The following EIF4G3 variants were observed in gnomAD, a reference collection of about 807,000 sequenced individuals.
EIF4G3 encodes eukaryotic translation initiation factor 4 gamma 3.
A neutral mutation model predicts 186.4 loss-of-function variants in EIF4G3; 34 were observed. The ratio of observed to expected loss-of-function variants is 0.18; its 90% confidence interval spans 0.14 to 0.24. EIF4G3 has a LOEUF of 0.24. Among genes scored for constraint, EIF4G3 ranks in the 10% least tolerant of loss-of-function variants. The pLI, the probability that EIF4G3 is intolerant of heterozygous loss-of-function variation, is 1.00. For synonymous variants in EIF4G3, 673 were observed against 679.5 expected (o/e 0.99, Z 0.15); for missense variants, 1,536 against 1,948.5 (o/e 0.79, Z 3.99).
intron 29 of EIF4G3, among the ~76,000 whole-genome samples, chr1:20,841,679 T>TTAA (rs1457059005): frequency 6.6e-6 from 1 of 152,214 alleles, no homozygotes; most frequent in African/African-American, 2.4e-5. Flanking sequence ...TAACTGGTGT[T>TTAA]TACTATAGAG....
At chr1:20,952,944 C>T (rs1189531424) in intron 12 of EIF4G3, among the ~76,000 whole-genome samples, 1 of 152,138 alleles carries the variant, frequency 6.6e-6, no homozygotes, top group African/African-American at 2.4e-5. Flanking sequence ...AACTATTTTA[C>T]TAATCAATAA....
At chr1:21,148,665 G>A (rs1355957082) in intron 2 of EIF4G3, among the ~76,000 whole-genome samples, 1 of 146,164 alleles carries the variant, frequency 6.8e-6, no homozygotes, top group Non-Finnish European at 1.5e-5. Context: ...TCGCGCCACT[G>A]CACTCCAGCC....
chr1:20,851,950 G>A (rs1377499878), intron 27 of EIF4G3, among the ~76,000 whole-genome samples: 1 of 152,192 alleles, frequency 6.6e-6, no homozygotes, highest in Non-Finnish European at 1.5e-5. Context: ...ACTGCGAGGA[G>A]GAAGTAGCAG....
In EIF4G3 at chr1:20,820,862, G is replaced by A. The variant is rs1383098129; in HGVS notation, c.4369-3324C>T. Among the ~76,000 whole-genome samples the A allele has an allele frequency of 5.3e-5, 8 of 151,984 alleles. No individual in the cohort carries two copies. In the East Asian group the frequency reaches 1.6e-3, roughly 30 times the overall value. ...GAGAGCTTCAGAGACCTGCAGAAATGTCCAAACGACCTGCCTGTGGAGAGG... is the reference window on the plus strand; with the variant it reads ...GAGAGCTTCAGAGACCTGCAGAAATATCCAAACGACCTGCCTGTGGAGAGG... On this transcript the variant is annotated intron_variant, in intron 33 of 36. Coordinates refer to ENST00000602326, the MANE Select transcript of EIF4G3 (RefSeq NM_001391906.1).
At chr1:21,033,813 C>A (rs889961894) in intron 4 of EIF4G3, among the ~76,000 whole-genome samples, 1 of 152,088 alleles carries the variant, frequency 6.6e-6, no homozygotes, top group South Asian at 2.1e-4. Context: ...AAAGGCCACG[C>A]GTGATAGCTT....
chr1:20,819,172 C>T (rs2061709568), intron 33 of EIF4G3, among the ~76,000 whole-genome samples: 1 of 152,132 alleles, frequency 6.6e-6, no homozygotes. Flanking sequence ...AAAAGCACAA[C>T]ATGAAGGCCA....
chr1:20,948,528 A>G (rs1225707808), intron 13 of EIF4G3, among the ~76,000 whole-genome samples: 1 of 152,080 alleles, frequency 6.6e-6, no homozygotes, highest in East Asian at 1.9e-4. Flanking sequence ...ACTCAGGGGG[A>G]AAATGAAATT....
chr1:21,025,393 C>T (rs995645903), intron 4 of EIF4G3, among the ~76,000 whole-genome samples: 2 of 151,948 alleles, frequency 1.3e-5, no homozygotes, highest in African/African-American at 2.4e-5. Flanking sequence ...GGATCTATTC[C>T]GACAGCCCAG....
At chr1:20,984,718 T>C (rs969055502) in intron 7 of EIF4G3, among the ~76,000 whole-genome samples, 1 of 151,772 alleles carries the variant, frequency 6.6e-6, no homozygotes, top group Non-Finnish European at 1.5e-5. Flanking sequence ...GCCTCCTGAG[T>C]AGCTGGGACT....
In EIF4G3 at chr1:20,817,524, T is replaced by C. The variant is rs770505543; in HGVS notation, c.4383A>G (p.Ile1461Met). The C allele has an allele frequency of 5.0e-6, 8 of 1,595,086 alleles. No individual in the cohort carries two copies. Among genetic ancestry groups the C allele is most frequent in the Non-Finnish European group, 6.8e-6 (8 of 1,170,078 alleles). ...NFLLEQKLDF[I>M]ESDSPCSSEA... is the part of the protein sequence containing the mutation. ...CAGAGGAACAGGGACTGTCAGACTC[T>C]ATGAAGTCCAACTTCTGAAACATAA... Residue 1461 changes from isoleucine (I) to methionine (M), a missense_variant, in exon 34 of 37, where the codon ATA (isoleucine) becomes ATG (methionine). This residue lies in a region of EIF4G3 where 395 missense variants were observed against 498.9 expected (regional missense o/e 0.79). Coordinates refer to ENST00000602326, the MANE Select transcript of EIF4G3 (RefSeq NM_001391906.1).
intron 8 of EIF4G3, among the ~76,000 whole-genome samples, chr1:20,981,553 T>C (rs887295171): frequency 4.0e-5 from 2 of 50,172 alleles, no homozygotes; most frequent in Non-Finnish European, 8.6e-5. Flanking sequence ...ACTGTATGTA[T>C]ACATACATAC....
intron 3 of EIF4G3, among the ~76,000 whole-genome samples, chr1:21,053,802 AGGAGCCCCTCT>A (rs1472822491): frequency 7.1e-6 from 1 of 140,452 alleles, no homozygotes; most frequent in African/African-American, 2.7e-5. Context: ...CTGGGAAGAG[AGGAGCCCCTCT>A]GCCCGGCCAG....
At chr1:20,889,640 G>A (rs991058350) in intron 18 of EIF4G3, among the ~76,000 whole-genome samples, 2 of 151,898 alleles carry the variant, frequency 1.3e-5, no homozygotes, top group African/African-American at 2.4e-5. Context: ...ACAGGCGCCC[G>A]CCACCACACC....
intron 31 of EIF4G3, 86 bp downstream of exon 31, chr1:20,829,061 T>G (rs1488570316): frequency 7.0e-7 from 1 of 1,430,952 alleles, no homozygotes; most frequent in South Asian, 1.3e-5. Flanking sequence ...AAGGCGATAA[T>G]GGGACAGTAC....
At chr1:20,942,703 T>C (rs933394540) in intron 13 of EIF4G3, among the ~76,000 whole-genome samples, 3 of 152,132 alleles carry the variant, frequency 2.0e-5, no homozygotes, top group Admixed American at 2.0e-4. Context: ...CCTAAAAAAC[T>C]TTTTTTCCAA....
chr1:21,125,992 C>G (rs1481358230), intron 2 of EIF4G3, among the ~76,000 whole-genome samples: 1 of 150,772 alleles, frequency 6.6e-6, no homozygotes, highest in African/African-American at 2.4e-5. Context: ...TCACTTGAGT[C>G]CAGGAGTTTG....
chr1:21,039,127 C>T (rs1177056214), intron 4 of EIF4G3, among the ~76,000 whole-genome samples: 2 of 152,056 alleles, frequency 1.3e-5, no homozygotes, highest in African/African-American at 4.8e-5. Flanking sequence ...GAAAAGAGCC[C>T]GGAAATAAAC....
intron 13 of EIF4G3, among the ~76,000 whole-genome samples, chr1:20,944,553 G>A (rs756223119): frequency 1.4e-4 from 21 of 151,242 alleles, no homozygotes; most frequent in Admixed American, 4.6e-4. Context: ...GAGAAGGAGA[G>A]AGGGGGAGCG....
In EIF4G3 at chr1:21,002,720, C is replaced by T. The variant is rs370233944; in HGVS notation, c.23G>A (p.Arg8His). ...AAGCTTCTGCTTACTTACCGGAGAA[C>T]GGGTTTGAGGTTGTGAATTCATTGT... MNSQPQT[R>H]SPPSRTVPIH... The change falls in exon 5 of 37, where the codon CGT (arginine) becomes CAT (histidine). Residue 8 changes from arginine to histidine, a missense_variant. By Grantham distance (29) the Arg-to-His change is conservative. Transcript: ENST00000602326. 1.1e-5 allele frequency: 18 copies of T among 1,612,806 alleles called. No homozygotes were observed. Among genetic ancestry groups the T allele is most frequent in the African/African-American group, 5.3e-5 (4 of 74,820 alleles).
Sources: gnomAD v4.1 joint callset for allele counts (sites outside exome capture counted in the v4.1 genomes callset) on GRCh38, gnomAD v4.1.1 for gene constraint, gnomAD v4.1.1 regional missense constraint, MANE v1.5 for transcripts, NCBI Gene and HGNC (gene_info 2026-07-23, HGNC 2026-07-21) for gene names.